The following CCDC93 variants were observed in gnomAD, a reference collection of about 807,000 sequenced individuals.
CCDC93 encodes the protein CCC complex scaffolding subunit CCDC93, also known as coiled-coil domain-containing protein 93.
CCDC93 carries 61 observed loss-of-function variants against 108.2 expected under a neutral mutation model. The observed-to-expected ratio is 0.56, with a 90% CI of 0.46 to 0.70. The LOEUF is 0.70. Among genes scored for constraint, CCDC93 ranks in the 30% least tolerant of loss-of-function variants. The pLI is 0.00. For missense variants in CCDC93, 685 were observed against 764.2 expected, an observed-to-expected ratio of 0.90 and a Z score of 1.22; for synonymous variants, 276 against 260.4, an observed-to-expected ratio of 1.06 and a Z score of -0.58.
intron 4 of CCDC93, chr2:117,999,495 T>C (rs539746591): frequency 1.3e-5 from 2 of 152,160 alleles, no homozygotes; most frequent in East Asian, 3.9e-4. Flanking sequence ...TAGAGTCAGA[T>C]GGGAAGTAGT....
chr2:117,991,522 C>T (rs1680474153), intron 6 of CCDC93, among the ~76,000 whole-genome samples: 1 of 152,202 alleles, frequency 6.6e-6, no homozygotes, highest in Admixed American at 6.5e-5. Flanking sequence ...CTCTTCCTAG[C>T]TCTGCAGCTA....
intron 10 of CCDC93, 42 bp downstream of exon 10, chr2:117,974,808 G>A (rs1234164692): frequency 2.0e-6 from 3 of 1,485,780 alleles, no homozygotes; most frequent in African/African-American, 2.8e-5. Flanking sequence ...GAGCAGGGTG[G>A]TGCCAAGTCC....
chr2:117,993,344 C>T (rs1276789166), intron 6 of CCDC93, among the ~76,000 whole-genome samples: 2 of 148,082 alleles, frequency 1.4e-5, no homozygotes, highest in Non-Finnish European at 1.5e-5. Context: ...TGCAGTGAGC[C>T]GAGACAGCGC....
chr2:117,979,180 TC>T (rs1680036827), intron 7 of CCDC93, among the ~76,000 whole-genome samples: 1 of 152,106 alleles, frequency 6.6e-6, no homozygotes, highest in South Asian at 2.1e-4. Flanking sequence ...GCAGGCCTCT[TC>T]CCTCAGAAGA....
intron 11 of CCDC93, among the ~76,000 whole-genome samples, chr2:117,973,349 T>C (rs567226553): frequency 9.9e-5 from 15 of 151,664 alleles, no homozygotes; most frequent in African/African-American, 2.9e-4. Flanking sequence ...GAATCAGTTA[T>C]GTGCAAAATG....
In CCDC93 at chr2:117,947,567, C is replaced by T. The variant is rs1234832601; in HGVS notation, c.1224+538G>A. 2.0e-5 allele frequency among the ~76,000 whole-genome samples: 3 copies of T among 152,186 alleles called. 1 individual carries two copies. Among genetic ancestry groups the T allele is most frequent in the African/African-American group, 7.2e-5 (3 of 41,448 alleles). On this transcript the variant is annotated intron_variant, in intron 15 of 23. Coordinates refer to ENST00000376300, the MANE Select transcript of CCDC93 (RefSeq NM_019044.5). ...ACAAAATATATTTTTGCAAAAACTT[C>T]ATAAGACTTTTCTTTCAAATACCAA...
intron 12 of CCDC93, among the ~76,000 whole-genome samples, chr2:117,953,752 C>T (rs1183492421): frequency 6.8e-6 from 1 of 148,028 alleles, no homozygotes; most frequent in East Asian, 2.0e-4. Context: ...AAAAATTAGC[C>T]CGGCATGGTG....
intron 22 of CCDC93, chr2:117,931,776 AG>A (rs1416291981): frequency 1.3e-5 from 2 of 152,270 alleles, no homozygotes; most frequent in Non-Finnish European, 2.9e-5. Context: ...TCCTGCTGGT[AG>A]ACAATTTAGG....
chr2:117,971,941 T>C (rs1444154272), intron 11 of CCDC93, among the ~76,000 whole-genome samples: 3 of 152,246 alleles, frequency 2.0e-5, no homozygotes, highest in South Asian at 2.1e-4. Flanking sequence ...TAATGAATGT[T>C]TGACACCTCC....
chr2:117,985,890 A>T, intron 7 of CCDC93, 79 bp downstream of exon 7: 2 of 830,824 alleles, frequency 2.4e-6, no homozygotes, highest in South Asian at 1.6e-5. Flanking sequence ...GGTAGAAGCT[A>T]GTCAAGTTAA....
At position 117,985,878 on chromosome 2, in the gene CCDC93, C is replaced by T. The variant is rs964479465; in HGVS notation, c.620+91G>A. On this transcript the variant is annotated intron_variant, in intron 7 of 23. Coordinates refer to ENST00000376300, the MANE Select transcript of CCDC93 (RefSeq NM_019044.5). ...TCATGGCTGAAGGCAGAAACTCAAT[C>T]GGGTAGAAGCTAGTCAAGTTAATCC... is the stretch of plus-strand genomic sequence containing the variant. 62 of 717,126 alleles carry T rather than the reference C, an allele frequency of 8.6e-5. No homozygotes were observed. The Middle Eastern group carries it at 3.2e-3, about 37-fold the overall frequency. The allele number at this position is 717,126 out of a possible 1,614,324, so 44.4% of individuals were successfully genotyped here.
At chr2:117,946,213 G>A (rs1678870055) in intron 16 of CCDC93, among the ~76,000 whole-genome samples, 1 of 152,170 alleles carries the variant, frequency 6.6e-6, no homozygotes, top group African/African-American at 2.4e-5. Flanking sequence ...GGCGTGGGGT[G>A]GCTGGACACT....
At chr2:117,993,303 G>A (rs567671032) in intron 6 of CCDC93, among the ~76,000 whole-genome samples, 13 of 152,058 alleles carry the variant, frequency 8.5e-5, no homozygotes, top group Admixed American at 7.9e-4. Flanking sequence ...GGCTGAGGCA[G>A]GAGAATGGCG....
intron 4 of CCDC93, chr2:117,998,925 A>G (rs1680751313): frequency 6.6e-6 from 1 of 152,244 alleles, no homozygotes; most frequent in African/African-American, 2.4e-5. Context: ...ATTTTAAGGT[A>G]AAGTCTTGGC....
chr2:118,003,828 G>T (rs1676786124), intron 3 of CCDC93, among the ~76,000 whole-genome samples: 1 of 152,194 alleles, frequency 6.6e-6, no homozygotes. Flanking sequence ...ATGCAGGCAG[G>T]CTGGGGGTAG....
At position 118,006,823 on chromosome 2, in the gene CCDC93, G is replaced by T. The variant is rs758937127; in HGVS notation, c.157-7C>A. 54 of 1,554,082 alleles carry T rather than the reference G, an allele frequency of 3.5e-5. No homozygotes were observed. The highest frequency in any genetic ancestry group is 4.3e-5 in the Non-Finnish European group (49 of 1,126,660). ...AAGTCATTCCTCCTACTACCTGCAA[G>T]ACATAAAGAAAATATTTGTTTTCTC... On this transcript the variant is annotated splice_polypyrimidine_tract_variant and splice_region_variant and intron_variant, in intron 2 of 23. Coordinates refer to ENST00000376300, the MANE Select transcript of CCDC93 (RefSeq NM_019044.5).
At chr2:117,921,730 T>A (rs1282698692) in intron 23 of CCDC93, 4 of 152,200 alleles carry the variant, frequency 2.6e-5, no homozygotes. Context: ...GATGGCAGCA[T>A]GACCACAACG....
intron 3 of CCDC93, 38 bp downstream of exon 3, chr2:118,006,684 C>A: frequency 7.9e-7 from 1 of 1,262,484 alleles, no homozygotes; most frequent in East Asian, 2.3e-5. Flanking sequence ...AGTTAGTTCC[C>A]TTCTCCCCAC....
chr2:117,990,577 TA>T (rs1245492569), intron 6 of CCDC93, among the ~76,000 whole-genome samples: 1 of 149,752 alleles, frequency 6.7e-6, no homozygotes, highest in African/African-American at 2.5e-5. Flanking sequence ...AGTAAATAAT[TA>T]GAAATAAAAG....
Sources: gnomAD v4.1 joint callset for allele counts (sites outside exome capture counted in the v4.1 genomes callset) on GRCh38, gnomAD v4.1.1 for gene constraint, MANE v1.5 for transcripts, NCBI Gene and HGNC (gene_info 2026-07-23, HGNC 2026-07-21) for gene names.